Variants in EXOC6B observed in about 807,000 individuals in gnomAD.
The protein encoded by EXOC6B is exocyst complex component 6B.
EXOC6B carries 54 observed loss-of-function variants against 113.5 expected under a neutral mutation model. The observed-to-expected ratio is 0.48, with a 90% confidence interval of 0.38 to 0.60. The LOEUF is 0.60. Among genes scored for constraint, EXOC6B ranks in the 20% least tolerant of loss-of-function variants. The pLI, the probability that EXOC6B is intolerant of heterozygous loss-of-function variation, is 0.00. For synonymous variants in EXOC6B, 357 were observed against 339.0 expected (o/e 1.05, Z -0.58); for missense variants, 797 against 977.5 (o/e 0.82, Z 2.46).
intron 19 of EXOC6B, among the ~76,000 whole-genome samples, chr2:72,377,805 G>T (rs1396700341): frequency 6.6e-6 from 1 of 152,052 alleles, no homozygotes. Flanking sequence ...TAATAACAAT[G>T]TACTGAAATC....
chr2:72,184,697 G>A (rs1678308584), intron 20 of EXOC6B, among the ~76,000 whole-genome samples: 2 of 152,198 alleles, frequency 1.3e-5, no homozygotes, highest in African/African-American at 4.8e-5. Context: ...CTTAGCCCAA[G>A]TGACTTAGGT....
rs149202799 is a variant in EXOC6B, at chr2:72,190,611, G to A, written c.2197-6424C>T. ...CTGTAGATAACCAATCTAGTTTCTC[G>A]TTTATCCTTCTTTTATTTATTTTAC... On this transcript the variant is annotated intron_variant, in intron 20 of 21. Transcript: ENST00000272427. 9.2e-5 allele frequency among the ~76,000 whole-genome samples: 14 copies of A among 152,020 alleles called. No individual in the cohort carries two copies. In the East Asian group the frequency reaches 1.5e-3, roughly 17 times the overall value.
chr2:72,338,910 C>CACACATACACAT (rs70963125), intron 19 of EXOC6B, among the ~76,000 whole-genome samples: 23,874 of 142,340 alleles, frequency 0.17, 2,147 homozygotes, highest in African/African-American at 0.19. Context: ...TGGAAGAACA[C>CACACATACACAT]ACACATACAC....
In EXOC6B at chr2:72,634,051, G is replaced by A. The variant is rs142632496; in HGVS notation, c.670-58383C>T. On this transcript the variant is annotated intron_variant, in intron 6 of 21. Transcript: ENST00000272427. Reference sequence around the variant, plus strand: ...CAGATGGGAAAAAAAAAGAGCATGCGTGAAGGTCCAAAGACAGGCAAAACA... The same window carrying A: ...CAGATGGGAAAAAAAAAGAGCATGCATGAAGGTCCAAAGACAGGCAAAACA... Among the ~76,000 whole-genome samples the A allele has an allele frequency of 9.2e-5, 14 of 152,088 alleles. No homozygotes were observed. The East Asian group carries it at 1.7e-3, about 19-fold the overall frequency.
At chr2:72,546,096 G>C (rs1277359775) in intron 8 of EXOC6B, among the ~76,000 whole-genome samples, 1 of 152,150 alleles carries the variant, frequency 6.6e-6, no homozygotes, top group Admixed American at 6.5e-5. Flanking sequence ...GTTCTAGGAA[G>C]ATTATTGACC....
At chr2:72,505,693 C>G (rs1489024945) in intron 11 of EXOC6B, among the ~76,000 whole-genome samples, 1 of 151,984 alleles carries the variant, frequency 6.6e-6, no homozygotes, top group Non-Finnish European at 1.5e-5. Context: ...TCATTTTTAC[C>G]TAGGTCTTCT....
At chr2:72,327,987 AGCCTTT>A (rs1688225795) in intron 20 of EXOC6B, among the ~76,000 whole-genome samples, 1 of 152,026 alleles carries the variant, frequency 6.6e-6, no homozygotes, top group African/African-American at 2.4e-5. Flanking sequence ...ATGCTGATCC[AGCCTTT>A]GCTATAAAGT....
At chr2:72,484,838 T>C (rs2105508205) in intron 16 of EXOC6B, among the ~76,000 whole-genome samples, 1 of 152,368 alleles carries the variant, frequency 6.6e-6, no homozygotes, top group Admixed American at 6.5e-5. Flanking sequence ...ATTTTCTTTA[T>C]CTAGTCTATC....
chr2:72,513,346 T>A, intron 10 of EXOC6B, 94 bp from the exon 11 acceptor site: 1 of 1,481,080 alleles, frequency 6.8e-7, no homozygotes, highest in Non-Finnish European at 9.1e-7. Flanking sequence ...TACCATCAAA[T>A]GCAAAGTTAG....
intron 6 of EXOC6B, among the ~76,000 whole-genome samples, chr2:72,641,878 C>T (rs1673272156): frequency 6.6e-6 from 1 of 152,242 alleles, no homozygotes; most frequent in Non-Finnish European, 1.5e-5. Context: ...AAGGATCAGG[C>T]AGCAATATTT....
intron 6 of EXOC6B, among the ~76,000 whole-genome samples, chr2:72,689,398 T>C (rs757036459): frequency 5.9e-5 from 9 of 152,236 alleles, no homozygotes; most frequent in Non-Finnish European, 7.3e-5. Context: ...CATATTTCTA[T>C]AGGAGTCTCT....
At chr2:72,719,829 CAGAA>C (rs1679878613) in intron 5 of EXOC6B, among the ~76,000 whole-genome samples, 1 of 152,138 alleles carries the variant, frequency 6.6e-6, no homozygotes, top group Non-Finnish European at 1.5e-5. Context: ...CTTGAATTCA[CAGAA>C]AGAAACAAAG....
chr2:72,633,923 T>G (rs1211997000), intron 6 of EXOC6B, among the ~76,000 whole-genome samples: 1 of 152,226 alleles, frequency 6.6e-6, no homozygotes, highest in African/African-American at 2.4e-5. Flanking sequence ...AGCAGGGATC[T>G]GACTTAGATT....
At chr2:72,644,255 CA>C (rs1558875071) in intron 6 of EXOC6B, among the ~76,000 whole-genome samples, 1 of 151,898 alleles carries the variant, frequency 6.6e-6, no homozygotes, top group East Asian at 1.9e-4. Context: ...GAAAAAACAG[CA>C]AAAAGAAATG....
intron 20 of EXOC6B, among the ~76,000 whole-genome samples, chr2:72,184,756 C>T (rs1035033691): frequency 6.6e-6 from 1 of 152,184 alleles, no homozygotes; most frequent in Non-Finnish European, 1.5e-5. Context: ...ACACAGATAA[C>T]ACAGAAACAC....
chr2:72,304,362 T>C (rs943030051), intron 20 of EXOC6B, among the ~76,000 whole-genome samples: 7 of 152,182 alleles, frequency 4.6e-5, no homozygotes, highest in Admixed American at 3.3e-4. Flanking sequence ...AAATAGAAGA[T>C]ATCATTTAAA....
At chr2:72,752,568 TCTCC>T (rs1472100693) in intron 1 of EXOC6B, among the ~76,000 whole-genome samples, 2 of 150,004 alleles carry the variant, frequency 1.3e-5, no homozygotes, top group East Asian at 2.0e-4. Context: ...TCTCTCTCTC[TCTCC>T]CTCCTTCCCT....
intron 6 of EXOC6B, among the ~76,000 whole-genome samples, chr2:72,690,706 C>T (rs545970478): frequency 6.6e-6 from 1 of 152,286 alleles, no homozygotes; most frequent in South Asian, 2.1e-4. Context: ...CTTTCTTACA[C>T]TAAAGATTTC....
rs373960198 is a variant in EXOC6B at position 72,622,918 on chromosome 2, G to A, written c.670-47250C>T. ...CTATAGATTAGTACAACTACTTTGA[G>A]AAACTGATTGGTAGTATCTACTACA... On this transcript the variant is annotated intron_variant, in intron 6 of 21. Transcript: ENST00000272427. Among the ~76,000 whole-genome samples, 23 of 152,230 alleles carry A rather than the reference G, an allele frequency of 1.5e-4. 2 individuals are homozygous for A. The highest frequency in any genetic ancestry group is 4.6e-4 in the African/African-American group (19 of 41,534).
Sources: allele counts gnomAD v4.1 joint callset (sites outside exome capture counted in the v4.1 genomes callset), GRCh38; gene constraint gnomAD v4.1.1; transcripts MANE v1.5; gene names NCBI Gene and HGNC (gene_info 2026-07-23, HGNC 2026-07-21).